The following OLA1 variants were observed in gnomAD, a reference collection of about 807,000 sequenced individuals.
The protein encoded by OLA1 is Obg like ATPase 1, also known as obg-like ATPase 1.
A neutral mutation model predicts 48.4 loss-of-function variants in OLA1; 14 were observed. The ratio of observed to expected loss-of-function variants is 0.29; its 90% CI spans 0.19 to 0.45. The LOEUF is 0.45. OLA1 is among the 20% of genes least tolerant of loss of function. OLA1 has a pLI of 1.00. For synonymous variants in OLA1, 127 were observed against 150.4 expected (o/e 0.84, Z 1.14); for missense variants, 325 against 467.1 (o/e 0.70, Z 2.80).
At chr2:174,240,969 T>C (rs1434765002) in intron 2 of OLA1, among the ~76,000 whole-genome samples, 1 of 152,178 alleles carries the variant, frequency 6.6e-6, no homozygotes, top group Non-Finnish European at 1.5e-5. Context: ...AGAGTCTATT[T>C]CCCCTCTCCC....
intron 4 of OLA1, among the ~76,000 whole-genome samples, chr2:174,199,762 C>T (rs1035660247): frequency 6.6e-6 from 1 of 152,086 alleles, no homozygotes; most frequent in African/African-American, 2.4e-5. Context: ...TTGCAGATTC[C>T]ACATTCCGAT....
intron 7 of OLA1, among the ~76,000 whole-genome samples, chr2:174,091,059 C>T (rs12328741): frequency 0.11 from 17,030 of 152,146 alleles, 1,421 homozygotes; most frequent in African/African-American, 0.23. Context: ...CCTATTGTAT[C>T]CACAGAAATC....
At chr2:174,106,410 C>A (rs1410394791) in intron 7 of OLA1, among the ~76,000 whole-genome samples, 1 of 152,006 alleles carries the variant, frequency 6.6e-6, no homozygotes, top group Non-Finnish European at 1.5e-5. Flanking sequence ...TTATCCAAAA[C>A]CCGATCATTC....
chr2:174,079,537 C>T (rs985111555), intron 9 of OLA1, among the ~76,000 whole-genome samples: 3 of 151,862 alleles, frequency 2.0e-5, no homozygotes, highest in African/African-American at 7.2e-5. Flanking sequence ...GCATTTCCAA[C>T]AAATCATATT....
At chr2:174,244,068 G>T (rs939170676) in intron 2 of OLA1, among the ~76,000 whole-genome samples, 1 of 152,162 alleles carries the variant, frequency 6.6e-6, no homozygotes, top group Non-Finnish European at 1.5e-5. Flanking sequence ...AGCTCCACAT[G>T]GACCCATTTC....
intron 7 of OLA1, among the ~76,000 whole-genome samples, chr2:174,104,578 CT>C (rs1432586461): frequency 2.6e-5 from 4 of 151,970 alleles, no homozygotes; most frequent in African/African-American, 9.7e-5. Flanking sequence ...TAATTTCTTT[CT>C]TGGCATATAC....
chr2:174,204,959 T>A (rs1183910640), intron 4 of OLA1, among the ~76,000 whole-genome samples: 1 of 152,124 alleles, frequency 6.6e-6, no homozygotes, highest in Non-Finnish European at 1.5e-5. Context: ...CCCCCTAACA[T>A]CAATAAATTC....
intron 3 of OLA1, among the ~76,000 whole-genome samples, chr2:174,224,470 T>G (rs1688573620): frequency 6.6e-6 from 1 of 152,156 alleles, no homozygotes; most frequent in African/African-American, 2.4e-5. Flanking sequence ...TTGCCCTAAT[T>G]GCCTCAAAGA....
chr2:174,171,546 A>C (rs1381379279), intron 4 of OLA1, among the ~76,000 whole-genome samples: 2 of 152,220 alleles, frequency 1.3e-5, no homozygotes, highest in Admixed American at 6.5e-5. Flanking sequence ...AAGAGAAATA[A>C]GGAAATATTT....
intron 10 of OLA1, among the ~76,000 whole-genome samples, chr2:174,077,140 C>T (rs768125554): frequency 8.6e-5 from 13 of 152,042 alleles, no homozygotes; most frequent in Non-Finnish European, 1.5e-4. Context: ...AAACAAGACA[C>T]GTCTAACCAG....
intron 4 of OLA1, among the ~76,000 whole-genome samples, chr2:174,197,404 TATGTTGTTTTG>T (rs1687900582): frequency 6.7e-6 from 1 of 149,092 alleles, no homozygotes; most frequent in Admixed American, 6.7e-5. Flanking sequence ...CGCTAGAAGG[TATGTTGTTTTG>T]ATGTTGTTGG....
chr2:174,145,624 A>T (rs1686575735), intron 4 of OLA1, among the ~76,000 whole-genome samples: 1 of 152,234 alleles, frequency 6.6e-6, no homozygotes, highest in Non-Finnish European at 1.5e-5. Flanking sequence ...GCTTCTAAAG[A>T]GTAAAAAAAA....
intron 7 of OLA1, among the ~76,000 whole-genome samples, chr2:174,088,534 C>T (rs34478833): frequency 0.13 from 20,091 of 152,164 alleles, 1,488 homozygotes; most frequent in East Asian, 0.21. Flanking sequence ...CTCAACTCTT[C>T]AAAATTCTTT....
chr2:174,119,939 TAACACACACACACACA>T (rs1296022513), intron 7 of OLA1, among the ~76,000 whole-genome samples: 2 of 133,534 alleles, frequency 1.5e-5, no homozygotes, highest in East Asian at 3.2e-4. Flanking sequence ...AATGTGTGTA[TAACACACACACACACA>T]AACACACACA....
intron 4 of OLA1, among the ~76,000 whole-genome samples, chr2:174,197,738 A>C (rs1026843316): frequency 6.6e-5 from 10 of 152,312 alleles, no homozygotes; most frequent in African/African-American, 2.4e-4. Flanking sequence ...AAAAATAAAT[A>C]GGCAAATGTG....
intron 2 of OLA1, among the ~76,000 whole-genome samples, chr2:174,236,838 G>A (rs1489652950): frequency 6.6e-6 from 1 of 152,100 alleles, no homozygotes; most frequent in East Asian, 1.9e-4. Flanking sequence ...AAGTGAAATA[G>A]GACGCTTACC....
At chr2:174,210,565 TA>T (rs1453527018) in intron 4 of OLA1, among the ~76,000 whole-genome samples, 1 of 152,130 alleles carries the variant, frequency 6.6e-6, no homozygotes, top group Admixed American at 6.6e-5. Context: ...TGTAAACACA[TA>T]ATTAAATCAT....
At chr2:174,134,608 T>A (rs1293460192) in intron 5 of OLA1, among the ~76,000 whole-genome samples, 1 of 152,210 alleles carries the variant, frequency 6.6e-6, no homozygotes, top group Non-Finnish European at 1.5e-5. Flanking sequence ...TTACTTTTTA[T>A]TTTGAAAACA....
chr2:174,174,301 A>C (rs1336628618), intron 4 of OLA1, among the ~76,000 whole-genome samples: 1 of 152,060 alleles, frequency 6.6e-6, no homozygotes, highest in African/African-American at 2.4e-5. Context: ...TTAGCAAATC[A>C]AATTCAAAAG....
Sources: allele counts gnomAD v4.1 joint callset (sites outside exome capture counted in the v4.1 genomes callset), GRCh38; gene constraint gnomAD v4.1.1; transcripts MANE v1.5; gene names NCBI Gene and HGNC (gene_info 2026-07-23, HGNC 2026-07-21).